The following ADAM12 variants were observed in gnomAD, a reference collection of about 807,000 sequenced individuals.
The protein encoded by ADAM12 is ADAM metallopeptidase domain 12.
Under a neutral mutation model 106.4 loss-of-function variants are expected in ADAM12, and 70 were observed. The ratio of observed to expected loss-of-function variants is 0.66; its 90% CI spans 0.54 to 0.80. ADAM12 has a LOEUF of 0.80. Among genes scored for constraint, ADAM12 ranks in the 30% least tolerant of loss-of-function variants. The pLI, the probability that ADAM12 is intolerant of heterozygous loss-of-function variation, is 0.00. For synonymous variants in ADAM12, 420 were observed against 433.5 expected (o/e 0.97, Z 0.39); for missense variants, 1,010 against 1,171.9 (o/e 0.86, Z 2.02).
At chr10:126,320,481 A>T (rs187971272) in intron 2 of ADAM12, among the ~76,000 whole-genome samples, 3 of 152,234 alleles carry the variant, frequency 2.0e-5, no homozygotes, top group Non-Finnish European at 4.4e-5. Context: ...GATTTAAAAA[A>T]ATCTGAACTT....
At chr10:126,178,861 A>G (rs1369031840) in intron 3 of ADAM12, among the ~76,000 whole-genome samples, 1 of 152,150 alleles carries the variant, frequency 6.6e-6, no homozygotes, top group Non-Finnish European at 1.5e-5. Context: ...AGCCTGGCCA[A>G]CGTGGTGAAA....
chr10:126,199,793 C>T (rs1957664525), intron 3 of ADAM12, among the ~76,000 whole-genome samples: 1 of 152,118 alleles, frequency 6.6e-6, no homozygotes. Context: ...ATAAGTCATC[C>T]TATCCCTGTC....
rs200939789 is a variant in ADAM12, at chr10:126,354,804, G to GT, written c.89-24296dup. On this transcript the variant is annotated intron_variant, in intron 1 of 22. Transcript: ENST00000448723. ...AAGATTTTGAGTAACCACTGCTAAA[G>GT]TTTGTTTTTTTTTTAATGAATACTC... 8.8e-3 allele frequency among the ~76,000 whole-genome samples: 1,273 copies of GT among 144,282 alleles called. 19 individuals carry two copies. Among genetic ancestry groups the GT allele is most frequent in the African/African-American group, 0.029 (1,193 of 40,516 alleles). 94.7% of individuals were successfully genotyped at this position (144,282 alleles called of 152,430 possible).
chr10:126,219,099 C>G (rs951975898), intron 3 of ADAM12, among the ~76,000 whole-genome samples: 1 of 152,204 alleles, frequency 6.6e-6, no homozygotes. Flanking sequence ...CTTCACAGGT[C>G]CCATGCTTTG....
At chr10:126,181,330 C>T (rs1957308462) in intron 3 of ADAM12, among the ~76,000 whole-genome samples, 1 of 152,138 alleles carries the variant, frequency 6.6e-6, no homozygotes, top group African/African-American at 2.4e-5. Flanking sequence ...CCTCGGTTTT[C>T]CAAAGTGCTG....
rs1954219747 is a variant in ADAM12, at chr10:126,043,086, C to T, written c.2058G>A (p.Lys686=). 4 of 1,614,098 alleles carry T rather than the reference C, an allele frequency of 2.5e-6. No homozygotes were observed. Among genetic ancestry groups the T allele is most frequent in the Non-Finnish European group, 3.4e-6 (4 of 1,180,040 alleles). The stretch of plus-strand genomic sequence containing the variant: ...TGTCTGTGCTTCCTCCAAAGCCAAA[C>T]TTGTCACAGAAGGGAGGTGCCCAGT... ...EAHWAPPFCD[K]FGFGGSTDSG... Residue 686 remains lysine (K), a synonymous_variant, in exon 18 of 23, where the codon AAG becomes AAA. Coordinates refer to ENST00000448723, the MANE Select transcript of ADAM12 (RefSeq NM_001288973.2). The surrounding 1 kb of genome is among the most constrained non-coding windows in gnomAD (Gnocchi z 4.1).
intron 2 of ADAM12, among the ~76,000 whole-genome samples, chr10:126,304,420 AATTAC>A (rs1960756079): frequency 6.6e-6 from 1 of 152,090 alleles, no homozygotes; most frequent in South Asian, 2.1e-4. Context: ...CCATATTAAT[AATTAC>A]ATTAAAGATA....
chr10:126,246,471 T>C (rs111827053), intron 3 of ADAM12, among the ~76,000 whole-genome samples: 5,347 of 152,210 alleles, frequency 0.035, 355 homozygotes, highest in African/African-American at 0.12. Flanking sequence ...TGAACATCAA[T>C]GCAAAAATCC....
intron 3 of ADAM12, among the ~76,000 whole-genome samples, chr10:126,267,297 C>A (rs1287974195): frequency 6.6e-6 from 1 of 152,206 alleles, no homozygotes; most frequent in Non-Finnish European, 1.5e-5. Context: ...ACAATTTTTC[C>A]ATGGACCAGG....
intron 3 of ADAM12, among the ~76,000 whole-genome samples, chr10:126,212,916 A>G (rs1957927018): frequency 6.6e-6 from 1 of 151,098 alleles, no homozygotes; most frequent in South Asian, 2.1e-4. Context: ...TAACAGCATT[A>G]TTGAGATATG....
chr10:126,339,863 T>TTC (rs1216745931), intron 1 of ADAM12, among the ~76,000 whole-genome samples: 1 of 144,812 alleles, frequency 6.9e-6, no homozygotes, highest in East Asian at 2.0e-4. Context: ...TTTTTTTTTT[T>TTC]TTTTTTTTTG....
At chr10:126,229,905 C>T (rs1048642891) in intron 3 of ADAM12, among the ~76,000 whole-genome samples, 4 of 151,616 alleles carry the variant, frequency 2.6e-5, no homozygotes, top group East Asian at 1.9e-4. Flanking sequence ...GTGACCTGGC[C>T]GCTGCCGCAC....
Position 126,086,690 on chromosome 10 carries a change from T to A in ADAM12, c.1145+7295A>T, listed in dbSNP as rs1265978157. ...AAAAAAAAAAAAAAAAATATATATA[T>A]ATATATATATATATATAAAATAAAA... On this transcript the variant is annotated intron_variant, in intron 11 of 22. Coordinates refer to ENST00000448723, the MANE Select transcript of ADAM12 (RefSeq NM_001288973.2). Among the ~76,000 whole-genome samples the A allele has an allele frequency of 1.9e-3, 104 of 53,924 alleles. 1 individual carries two copies. Among genetic ancestry groups the A allele is most frequent in the African/African-American group, 5.0e-3 (43 of 8,610 alleles). 35.4% of individuals were successfully genotyped at this position (53,924 alleles called of 152,430 possible).
intron 3 of ADAM12, among the ~76,000 whole-genome samples, chr10:126,222,281 T>C (rs894690216): frequency 6.6e-6 from 1 of 151,996 alleles, no homozygotes; most frequent in Admixed American, 6.6e-5. Context: ...AAAAAGCACC[T>C]CATTCAGGGC....
rs571565322 is a variant in ADAM12 at position 126,345,237 on chromosome 10, C to T, written c.89-14728G>A. ...TATTGAGAGTTTTTAGCATGAAGGG[C>T]TGTTGAATTTTGTCAAAGGCCTTTT... On this transcript the variant is annotated intron_variant, in intron 1 of 22. Coordinates refer to ENST00000448723, the MANE Select transcript of ADAM12 (RefSeq NM_001288973.2). 9.4e-3 allele frequency among the ~76,000 whole-genome samples: 1,431 copies of T among 152,180 alleles called. 24 individuals are homozygous for T. The highest frequency in any genetic ancestry group is 0.033 in the African/African-American group (1,360 of 41,526).
intron 1 of ADAM12, among the ~76,000 whole-genome samples, chr10:126,350,063 T>G (rs1855295344): frequency 1.3e-5 from 2 of 152,144 alleles, no homozygotes; most frequent in Admixed American, 1.3e-4. Context: ...AAGAGAGAGT[T>G]GAGGGTACTT....
intron 1 of ADAM12, among the ~76,000 whole-genome samples, chr10:126,366,565 G>A (rs572599873): frequency 2.0e-5 from 3 of 151,958 alleles, no homozygotes; most frequent in East Asian, 1.9e-4. Flanking sequence ...GATAATGAAC[G>A]TAATTCTCCA....
At chr10:126,101,927 T>C (rs111548899) in intron 8 of ADAM12, among the ~76,000 whole-genome samples, 1,787 of 152,262 alleles carry the variant, frequency 0.012, 41 homozygotes, top group African/African-American at 0.04. Context: ...TCCTCTTTTA[T>C]GCGCCTGTGA....
intron 14 of ADAM12, among the ~76,000 whole-genome samples, chr10:126,059,356 C>G (rs1209823168): frequency 1.3e-5 from 2 of 152,202 alleles, no homozygotes; most frequent in African/African-American, 4.8e-5. Flanking sequence ...GGCATTTTTA[C>G]AGACAACTGG....
Sources: allele counts gnomAD v4.1 joint callset (sites outside exome capture counted in the v4.1 genomes callset), GRCh38; gene constraint gnomAD v4.1.1; non-coding constraint Gnocchi (gnomAD v3.1); transcripts MANE v1.5; gene names NCBI Gene and HGNC (gene_info 2026-07-23, HGNC 2026-07-21).